Variants in NKAIN3 observed in about 807,000 individuals in gnomAD.
The protein encoded by NKAIN3 is sodium/potassium-transporting ATPase subunit beta-1-interacting protein 3.
A neutral mutation model predicts 30.2 loss-of-function variants in NKAIN3; 25 were observed. The ratio of observed to expected loss-of-function variants is 0.83; its 90% CI spans 0.60 to 1.16. NKAIN3 has a LOEUF of 1.16. NKAIN3 is among the 50% of genes most tolerant of loss of function. The pLI is 0.00. For synonymous variants in NKAIN3, 91 were observed against 89.6 expected, an observed-to-expected ratio of 1.02 and a Z score of -0.09; for missense variants, 225 against 254.1, an observed-to-expected ratio of 0.89 and a Z score of 0.78.
At chr8:62,263,936 C>CA (rs1363546420) in intron 1 of NKAIN3, among the ~76,000 whole-genome samples, 1 of 151,994 alleles carries the variant, frequency 6.6e-6, no homozygotes, top group Non-Finnish European at 1.5e-5. Context: ...AAACTACAGA[C>CA]AAAAGATGAA....
intron 1 of NKAIN3, among the ~76,000 whole-genome samples, chr8:62,262,387 G>C (rs1482046402): frequency 6.6e-6 from 1 of 152,154 alleles, no homozygotes; most frequent in Non-Finnish European, 1.5e-5. Context: ...TTCTGACAAA[G>C]CTTTCTCACT....
At position 62,937,096 on chromosome 8, in the gene NKAIN3, T is replaced by C. The variant is rs2130878180; in HGVS notation, c.533-16806T>C. The stretch of plus-strand genomic sequence containing the variant: ...ATCAACATTCTTTATTTCCTCCATA[T>C]GTGTATTCAGTTGACCAAAAACCCT... On this transcript the variant is annotated intron_variant, in intron 5 of 6. Coordinates refer to ENST00000623646, the MANE Select transcript of NKAIN3 (RefSeq NM_001304533.3). 1.3e-5 allele frequency among the ~76,000 whole-genome samples: 2 copies of C among 151,892 alleles called. 1 individual carries two copies. The highest frequency in any genetic ancestry group is 4.1e-4 in the South Asian group (2 of 4,820).
chr8:62,752,129 A>G (rs1405495520), intron 4 of NKAIN3, among the ~76,000 whole-genome samples: 1 of 152,200 alleles, frequency 6.6e-6, no homozygotes, highest in Non-Finnish European at 1.5e-5. Context: ...TTGAGCAAAA[A>G]CCAGCAGGAG....
intron 1 of NKAIN3, among the ~76,000 whole-genome samples, chr8:62,569,340 T>G (rs1809853350): frequency 6.6e-6 from 1 of 152,152 alleles, no homozygotes; most frequent in Admixed American, 6.6e-5. Flanking sequence ...GTACTTGGCC[T>G]AACGCATGCT....
intron 1 of NKAIN3, among the ~76,000 whole-genome samples, chr8:62,402,627 C>T (rs1043717345): frequency 9.2e-5 from 14 of 152,254 alleles, no homozygotes; most frequent in African/African-American, 3.4e-4. Flanking sequence ...GTCCTGCCGC[C>T]CTGTGAAGAA....
intron 4 of NKAIN3, among the ~76,000 whole-genome samples, chr8:62,887,524 C>A (rs1387519429): frequency 1.3e-5 from 2 of 151,946 alleles, no homozygotes; most frequent in East Asian, 1.9e-4. Context: ...TGTAGTTGTC[C>A]CACTGTTTTT....
intron 1 of NKAIN3, among the ~76,000 whole-genome samples, chr8:62,292,168 T>C (rs1252913807): frequency 1.3e-5 from 2 of 150,108 alleles, no homozygotes; most frequent in Non-Finnish European, 2.9e-5. Context: ...TGCAGCACAC[T>C]GATGGGTCTT....
intron 1 of NKAIN3, among the ~76,000 whole-genome samples, chr8:62,271,649 G>T (rs1049273483): frequency 4.6e-5 from 7 of 152,074 alleles, no homozygotes; most frequent in Admixed American, 2.0e-4. Context: ...GGATATGAAG[G>T]GTCTCATTGG....
chr8:62,567,920 C>T (rs1029022277), intron 1 of NKAIN3, among the ~76,000 whole-genome samples: 1 of 152,118 alleles, frequency 6.6e-6, no homozygotes, highest in Non-Finnish European at 1.5e-5. Context: ...GAAATAAATA[C>T]ACTACTTTTT....
At chr8:62,837,377 C>A (rs1267873365) in intron 4 of NKAIN3, among the ~76,000 whole-genome samples, 3 of 152,036 alleles carry the variant, frequency 2.0e-5, no homozygotes, top group Non-Finnish European at 4.4e-5. Flanking sequence ...AACATAGAGG[C>A]GGAGGAAACG....
chr8:62,751,544 C>T (rs1816284047), intron 4 of NKAIN3, among the ~76,000 whole-genome samples: 1 of 152,100 alleles, frequency 6.6e-6, no homozygotes. Context: ...GTATGATATG[C>T]ACTCTTCTGA....
chr8:62,918,765 A>G (rs186751476), intron 5 of NKAIN3, among the ~76,000 whole-genome samples: 6 of 152,288 alleles, frequency 3.9e-5, no homozygotes, highest in Admixed American at 3.3e-4. Context: ...CTGTCATATC[A>G]TATATTAGCA....
At chr8:62,340,344 A>G (rs1815701754) in intron 1 of NKAIN3, among the ~76,000 whole-genome samples, 1 of 151,882 alleles carries the variant, frequency 6.6e-6, no homozygotes. Flanking sequence ...TCTTCAAGGG[A>G]GAAAGGAGTT....
intron 5 of NKAIN3, among the ~76,000 whole-genome samples, chr8:62,949,100 C>T (rs1000805876): frequency 6.6e-6 from 1 of 152,206 alleles, no homozygotes; most frequent in Non-Finnish European, 1.5e-5. Context: ...ACATCTTCAA[C>T]TTCATGTGAC....
At chr8:62,276,355 T>C (rs375009044) in intron 1 of NKAIN3, among the ~76,000 whole-genome samples, 1 of 152,188 alleles carries the variant, frequency 6.6e-6, no homozygotes, top group African/African-American at 2.4e-5. Context: ...AGTGAGCCAC[T>C]GCGCCCAGCC....
intron 1 of NKAIN3, among the ~76,000 whole-genome samples, chr8:62,263,314 A>G (rs181139479): frequency 3.7e-4 from 56 of 152,308 alleles, no homozygotes; most frequent in Admixed American, 2.7e-3. Flanking sequence ...ACAGAAATGT[A>G]CTTCTTTAGT....
intron 4 of NKAIN3, among the ~76,000 whole-genome samples, chr8:62,883,649 A>C (rs1821061320): frequency 6.6e-6 from 1 of 151,828 alleles, no homozygotes; most frequent in Non-Finnish European, 1.5e-5. Context: ...CTTAGCAGAA[A>C]AACTTATAGG....
chr8:62,571,036 C>G (rs1051680341), intron 1 of NKAIN3, among the ~76,000 whole-genome samples: 1 of 152,076 alleles, frequency 6.6e-6, no homozygotes, highest in Non-Finnish European at 1.5e-5. Flanking sequence ...AGAATCAATT[C>G]TTTCCTTAAA....
intron 3 of NKAIN3, among the ~76,000 whole-genome samples, chr8:62,683,713 C>T (rs542396613): frequency 2.6e-5 from 4 of 152,144 alleles, no homozygotes; most frequent in East Asian, 1.9e-4. Flanking sequence ...ATTTCATAAC[C>T]CCTCTCTCCT....
Sources: gnomAD v4.1 joint callset for allele counts (sites outside exome capture counted in the v4.1 genomes callset) on GRCh38, gnomAD v4.1.1 for gene constraint, MANE v1.5 for transcripts, NCBI Gene and HGNC (gene_info 2026-07-23, HGNC 2026-07-21) for gene names.